The following CERT1 variants were observed in gnomAD, a reference collection of about 807,000 sequenced individuals.
CERT1 encodes the protein ceramide transporter 1, also known as ceramide transfer protein.
CERT1 carries 31 observed loss-of-function variants against 87.9 expected under a neutral mutation model. The ratio of observed to expected loss-of-function variants is 0.35; its 90% confidence interval spans 0.27 to 0.48. CERT1 has a LOEUF of 0.48. Ranked by LOEUF, CERT1 falls within the 20% of genes least tolerant of loss-of-function variation. The probability of loss-of-function intolerance (pLI) is 0.99; values close to 1 mark genes in which losing one functional copy is unlikely to be tolerated. For synonymous variants in CERT1, 289 were observed against 250.9 expected, an observed-to-expected ratio of 1.15 and a Z score of -1.44; for missense variants, 487 against 758.0, an observed-to-expected ratio of 0.64 and a Z score of 4.20.
At chr5:75,498,365 G>C (rs535833768) in intron 2 of CERT1, among the ~76,000 whole-genome samples, 1 of 152,172 alleles carries the variant, frequency 6.6e-6, no homozygotes, top group Non-Finnish European at 1.5e-5. Context: ...GGGCATGTCC[G>C]AGACCTTCAT....
chr5:75,464,867 C>T (rs996587604), intron 2 of CERT1, among the ~76,000 whole-genome samples: 14 of 152,280 alleles, frequency 9.2e-5, no homozygotes, highest in South Asian at 2.1e-4. Flanking sequence ...CATGAGCCAC[C>T]GCAAGTGGCC....
At chr5:75,434,586 CT>C (rs903878903) in intron 3 of CERT1, among the ~76,000 whole-genome samples, 1 of 150,750 alleles carries the variant, frequency 6.6e-6, no homozygotes, top group Non-Finnish European at 1.5e-5. Context: ...CTTTATACAT[CT>C]GGTAGAATAG....
chr5:75,408,428 GA>G (rs1762798782), intron 8 of CERT1, among the ~76,000 whole-genome samples: 1 of 152,200 alleles, frequency 6.6e-6, no homozygotes. Context: ...ACCAGTTACA[GA>G]AATAACTCTC....
rs547506422 is a variant in CERT1, at chr5:75,442,173, T to C, written c.349-15695A>G. ...AGCAATTTTTATAATTGCTCATGCA[T>C]TGACTTTTACTAAGATTTTTATTTC... On this transcript the variant is annotated intron_variant, in intron 3 of 16. Coordinates refer to ENST00000643780, the MANE Select transcript of CERT1 (RefSeq NM_001379029.1). 9.8e-5 allele frequency among the ~76,000 whole-genome samples: 15 copies of C among 152,342 alleles called. No individual in the cohort carries two copies. The South Asian group carries it at 2.5e-3, about 25-fold the overall frequency.
In CERT1 at chr5:75,460,258, A is replaced by G. The variant is rs187622679; in HGVS notation, c.232-1077T>C. On this transcript the variant is annotated intron_variant, in intron 2 of 16. Transcript: ENST00000643780. ...TTTATCAAATCTTATGAAATTTAAC[A>G]AAGCAAGATAAAAATGTTAACATTT... Among the ~76,000 whole-genome samples the G allele has an allele frequency of 4.2e-3, 639 of 152,302 alleles. 15 individuals carry two copies. The highest frequency in any genetic ancestry group is 0.039 in the Admixed American group (593 of 15,298).
intron 11 of CERT1, among the ~76,000 whole-genome samples, chr5:75,395,968 T>C (rs1357185581): frequency 6.6e-6 from 1 of 152,244 alleles, no homozygotes; most frequent in Non-Finnish European, 1.5e-5. Flanking sequence ...AGTGACTTCA[T>C]TCCTAATATC....
chr5:75,413,434 T>G (rs2112136611), intron 7 of CERT1, among the ~76,000 whole-genome samples: 1 of 152,196 alleles, frequency 6.6e-6, no homozygotes, highest in South Asian at 2.1e-4. Flanking sequence ...AAAGAGAAAA[T>G]GGGACTACAG....
At chr5:75,406,487 CT>C (rs1156546242) in intron 8 of CERT1, among the ~76,000 whole-genome samples, 7 of 151,648 alleles carry the variant, frequency 4.6e-5, no homozygotes, top group Admixed American at 4.6e-4. Flanking sequence ...CCTTATAAGC[CT>C]TGTTTCTTGT....
Position 75,393,602 on chromosome 5 carries a change from T to TAAA in CERT1, c.1189-3918_1189-3916dup, listed in dbSNP as rs60898983. On this transcript the variant is annotated intron_variant, in intron 11 of 16. Coordinates refer to ENST00000643780, the MANE Select transcript of CERT1 (RefSeq NM_001379029.1). ...GCAACATAGCAAGACCTCATCTACTTAAAAAAAAAAAAAAAAAAAAAGAAA... is the reference window on the plus strand; with the variant it reads ...GCAACATAGCAAGACCTCATCTACTTAAAAAAAAAAAAAAAAAAAAAAAAGAAA... 8.2e-3 allele frequency among the ~76,000 whole-genome samples: 267 copies of TAAA among 32,732 alleles called. 21 individuals are homozygous for TAAA. Among genetic ancestry groups the TAAA allele is most frequent in the Admixed American group, 0.027 (44 of 1,660 alleles). 21.5% of individuals were successfully genotyped at this position (32,732 alleles called of 152,430 possible).
chr5:75,504,001 C>T (rs894561954), intron 2 of CERT1, among the ~76,000 whole-genome samples: 5 of 92,630 alleles, frequency 5.4e-5, no homozygotes, highest in African/African-American at 1.7e-4. Flanking sequence ...TCCACAGAAA[C>T]TAGCATGGTA....
chr5:75,402,153 T>C (rs1762521812), intron 9 of CERT1: 1 of 152,106 alleles, frequency 6.6e-6, no homozygotes, highest in African/African-American at 2.4e-5. Context: ...CACTCAATAA[T>C]GATGACAAAA....
At chr5:75,478,998 T>C (rs1444218964) in intron 2 of CERT1, among the ~76,000 whole-genome samples, 1 of 139,520 alleles carries the variant, frequency 7.2e-6, no homozygotes. Context: ...CTATTAGCCA[T>C]ATCTAGGACA....
At chr5:75,447,120 T>C (rs1764575915) in intron 3 of CERT1, among the ~76,000 whole-genome samples, 1 of 152,170 alleles carries the variant, frequency 6.6e-6, no homozygotes, top group Admixed American at 6.5e-5. Context: ...CTGGGATGGG[T>C]GGAGGTACAG....
At chr5:75,453,721 C>T (rs1444876614) in intron 3 of CERT1, among the ~76,000 whole-genome samples, 2 of 152,218 alleles carry the variant, frequency 1.3e-5, no homozygotes, top group South Asian at 2.1e-4. Context: ...GTTAGGCATA[C>T]ATAAATCCTC....
chr5:75,510,706 C>T (rs980307917), intron 1 of CERT1, among the ~76,000 whole-genome samples: 17 of 152,158 alleles, frequency 1.1e-4, no homozygotes, highest in Non-Finnish European at 2.5e-4. Context: ...CAGTGCCCCC[C>T]AACCTACTCG....
At chr5:75,373,505 G>A (rs936921713), downstream of CERT1, 1 of 152,206 alleles carries the variant, frequency 6.6e-6, no homozygotes, top group Non-Finnish European at 1.5e-5. Flanking sequence ...AGATATCTAG[G>A]GGAAGAAATA....
intron 2 of CERT1, among the ~76,000 whole-genome samples, chr5:75,505,044 T>C (rs1287648555): frequency 6.6e-6 from 1 of 152,120 alleles, no homozygotes; most frequent in Non-Finnish European, 1.5e-5. Flanking sequence ...CCCAGCACTT[T>C]GGGAGGCTGA....
chr5:75,471,965 A>G (rs540797133), intron 2 of CERT1, among the ~76,000 whole-genome samples: 13 of 152,336 alleles, frequency 8.5e-5, no homozygotes, highest in Admixed American at 3.3e-4. Flanking sequence ...CCAAAGAGCC[A>G]AAGGAATCTT....
At chr5:75,374,403 ATTTT>A, downstream of CERT1, 1 of 562,182 alleles carries the variant, frequency 1.8e-6, no homozygotes, top group Non-Finnish European at 3.2e-6. Flanking sequence ...GGTATATGGA[ATTTT>A]TCAAAAGTTA....
Sources: gnomAD v4.1 joint callset for allele counts (sites outside exome capture counted in the v4.1 genomes callset) on GRCh38, gnomAD v4.1.1 for gene constraint, MANE v1.5 for transcripts, NCBI Gene and HGNC (gene_info 2026-07-23, HGNC 2026-07-21) for gene names.